Variants in LRRC56 observed in about 807,000 individuals in gnomAD.
LRRC56 encodes leucine-rich repeat-containing protein 56.
A neutral mutation model predicts 47.8 loss-of-function variants in LRRC56; 41 were observed. That is an observed-to-expected ratio of 0.86 (90% CI 0.67 to 1.11). LRRC56 has a LOEUF of 1.11. Ranked by LOEUF, LRRC56 falls within the 50% of genes most tolerant of loss-of-function variation. LRRC56 has a pLI of 0.00. For missense variants in LRRC56, 759 were observed against 704.2 expected, an observed-to-expected ratio of 1.08 and a Z score of -0.88; for synonymous variants, 387 against 311.2, an observed-to-expected ratio of 1.24 and a Z score of -2.56.
chr11:535,741 G>T (rs936900345), upstream of LRRC56, among the ~76,000 whole-genome samples: 1 of 152,222 alleles, frequency 6.6e-6, no homozygotes, highest in Admixed American at 6.5e-5. Flanking sequence ...CAGTAGGGCC[G>T]CGGCCTCTCG....
Position 541,685 on chromosome 11 carries a change from C to T in LRRC56, c.265+61C>T. Reference sequence around the variant, plus strand: ...CGGCCACGCCTCCCTGTAAACAACACACGTTTCCTGGTTATGACGACAAAG... The same window carrying T: ...CGGCCACGCCTCCCTGTAAACAACATACGTTTCCTGGTTATGACGACAAAG... On this transcript the variant is annotated intron_variant, in intron 5 of 13. Coordinates refer to ENST00000270115, the MANE Select transcript of LRRC56 (RefSeq NM_198075.4). The surrounding 1 kb of genome is among the most constrained non-coding windows in gnomAD (Gnocchi z 4.1). 3 of 1,057,498 alleles carry T rather than the reference C, an allele frequency of 2.8e-6. No individual in the cohort carries two copies. The highest frequency in any genetic ancestry group is 4.1e-6 in the Non-Finnish European group (3 of 726,182). The allele number at this position is 1,057,498 out of a possible 1,614,324, so 65.5% of individuals were successfully genotyped here.
At chr11:512,535 A>G in the LRRC56 span, among the ~76,000 whole-genome samples, 1 of 152,062 alleles carries the variant, frequency 6.6e-6, no homozygotes, top group Non-Finnish European at 1.5e-5. Context: ...CCTGGCAAGG[A>G]GGTAACTTGA....
Position 551,656 on chromosome 11 carries a change from C to T in LRRC56, c.802C>T (p.Pro268Ser). Residue 268 changes from proline (P) to serine (S), a missense_variant, in exon 10 of 14, where the codon CCC becomes TCC. By Grantham distance (74) the Pro-to-Ser change is moderately conservative. Transcript: ENST00000270115. ...KGNGLPPLDC[P>S]RGAPIRRLDP... ...TGCTTCTGAACCTCGGGCAGACTGT[C>T]CCCGTGGAGCCCCCATCCGGAGACT... is the stretch of plus-strand genomic sequence containing the variant. 1 of 1,567,990 alleles carries T rather than the reference C, an allele frequency of 6.4e-7. No homozygotes were observed. The highest frequency in any genetic ancestry group is 8.6e-7 in the Non-Finnish European group (1 of 1,158,670).
intron 6 of LRRC56, among the ~76,000 whole-genome samples, chr11:549,677 C>T (rs975556730): frequency 6.6e-6 from 1 of 152,242 alleles, no homozygotes; most frequent in Non-Finnish European, 1.5e-5. Flanking sequence ...GCTGAGCCAC[C>T]GGTCACGAGG....
intron 6 of LRRC56, 42 bp downstream of exon 6, chr11:544,822 G>C: frequency 1.9e-6 from 3 of 1,583,780 alleles, no homozygotes; most frequent in Non-Finnish European, 2.6e-6. Context: ...TGCCATGAGG[G>C]GGTCCGATGG....
At chr11:510,985 G>A in the LRRC56 span, among the ~76,000 whole-genome samples, 10 of 152,120 alleles carry the variant, frequency 6.6e-5, no homozygotes, top group South Asian at 2.1e-4. Context: ...TGCACATAGC[G>A]CAAGTGTCGC....
At position 545,532 on chromosome 11, in the gene LRRC56, A is replaced by G. The variant is rs1206944934; in HGVS notation, c.326+752A>G. 4.0e-5 allele frequency among the ~76,000 whole-genome samples: 6 copies of G among 150,316 alleles called. No individual in the cohort carries two copies. The South Asian group carries it at 8.4e-4, about 21-fold the overall frequency. On this transcript the variant is annotated intron_variant, in intron 6 of 13. Coordinates refer to ENST00000270115, the MANE Select transcript of LRRC56 (RefSeq NM_198075.4). ...AGACGGCAGCCCCCGGGAGAGGCACAGCAGAGCCTGTGTACAGAACCCGGA... is the reference window on the plus strand; with the variant it reads ...AGACGGCAGCCCCCGGGAGAGGCACGGCAGAGCCTGTGTACAGAACCCGGA...
chr11:549,380 G>A (rs970007170), intron 6 of LRRC56, among the ~76,000 whole-genome samples: 5 of 152,012 alleles, frequency 3.3e-5, no homozygotes, highest in Admixed American at 6.6e-5. Context: ...GGGTGGGCCC[G>A]GCAGGAAGCA....
In LRRC56 at chr11:541,012, G is replaced by C; in HGVS notation, c.177+151G>C. 1 of 685,886 alleles carries C rather than the reference G, an allele frequency of 1.5e-6. No individual in the cohort carries two copies. Among genetic ancestry groups the C allele is most frequent in the South Asian group, 2.0e-5 (1 of 49,358 alleles). 42.5% of individuals were successfully genotyped at this position (685,886 alleles called of 1,614,324 possible). A position where few individuals can be genotyped will look rare whatever the true frequency, so the allele number is the denominator to read the frequency against. On this transcript the variant is annotated intron_variant, in intron 4 of 13. Transcript: ENST00000270115. The surrounding 1 kb of genome is among the most constrained non-coding windows in gnomAD (Gnocchi z 4.1). Reference sequence around the variant, plus strand: ...GGCCTCAGCCCAGCCCCTGCAGCTGGGTCTGCTCCACCCACTCTGCCCTTG... The same window carrying C: ...GGCCTCAGCCCAGCCCCTGCAGCTGCGTCTGCTCCACCCACTCTGCCCTTG...
the LRRC56 span, among the ~76,000 whole-genome samples, chr11:530,407 G>A: frequency 6.6e-6 from 1 of 151,892 alleles, no homozygotes; most frequent in African/African-American, 2.4e-5. Flanking sequence ...GGAGGCTGCT[G>A]GGGAGAAGGG....
intron 6 of LRRC56, 124 bp from the exon 7 acceptor site, chr11:549,778 T>C: frequency 1.4e-6 from 1 of 732,104 alleles, no homozygotes; most frequent in African/African-American, 1.8e-5. Context: ...AGAGAGCCCC[T>C]TCCTCAGTCT....
rs775831709 is a variant in LRRC56, at chr11:540,723, G to A, written c.39G>A (p.Arg13=). 1 of 1,612,680 alleles carries A rather than the reference G, an allele frequency of 6.2e-7. No individual in the cohort carries two copies. The highest frequency in any genetic ancestry group is 8.5e-7 in the Non-Finnish European group (1 of 1,179,858). The change falls in exon 4 of 14, where the codon CGG becomes CGA. Residue 13 remains arginine, a synonymous_variant. Transcript: ENST00000270115. ...GGGACAGATCCCGTGGGCCTCGGCG[G>A]AGCACCTCCAGCGTCCGGGTGCGGG... is the stretch of plus-strand genomic sequence containing the variant. The part of the protein sequence containing the change: ...LGWDRSRGPR[R]STSSVRVREL...
At position 552,646 on chromosome 11, in the gene LRRC56, AGCAAGT is replaced by A; in HGVS notation, c.1263_1268del (p.Gln421_Val422del). ...TGGGGCCCACGGAGGGTCCCTGAAG[AGCAAGT>A]GCACCAGGCAGAGCCCAAGACTCCC... On this transcript the variant is annotated inframe_deletion, in exon 13 of 14. Transcript: ENST00000270115. 6.2e-7 allele frequency: 1 copy of A among 1,611,812 alleles called. No individual in the cohort carries two copies. Among genetic ancestry groups the A allele is most frequent in the Non-Finnish European group, 8.5e-7 (1 of 1,179,400 alleles).
In LRRC56 at chr11:551,518, C is replaced by T. The variant is rs113276594; in HGVS notation, c.797-133C>T. On this transcript the variant is annotated intron_variant, in intron 9 of 13. Coordinates refer to ENST00000270115, the MANE Select transcript of LRRC56 (RefSeq NM_198075.4). ...GGAAGGTCTGAAGATGAGGGCCTCT[C>T]TAGAAGGCTGCAGCGTGAGAGGCCA... is the stretch of plus-strand genomic sequence containing the variant. 3.7e-5 allele frequency: 37 copies of T among 1,006,714 alleles called. No individual in the cohort carries two copies. In the African/African-American group the frequency reaches 4.1e-4, roughly 11 times the overall value. 62.4% of individuals were successfully genotyped at this position (1,006,714 alleles called of 1,614,324 possible).
upstream of LRRC56, among the ~76,000 whole-genome samples, chr11:535,745 C>A (rs1179665101): frequency 6.6e-6 from 1 of 152,106 alleles, no homozygotes; most frequent in African/African-American, 2.4e-5. Context: ...AGGGCCGCGG[C>A]CTCTCGGGGT....
At chr11:519,295 T>C in the LRRC56 span, among the ~76,000 whole-genome samples, 1 of 136,826 alleles carries the variant, frequency 7.3e-6, no homozygotes, top group Non-Finnish European at 1.6e-5. Flanking sequence ...CAGGTGAGCT[T>C]TATTAGAACG....
chr11:528,521 G>A, the LRRC56 span: 7 of 152,210 alleles, frequency 4.6e-5, no homozygotes, highest in African/African-American at 1.7e-4. Flanking sequence ...GAGACAGAGG[G>A]ACACTGAACC....
chr11:553,934 G>A (rs751734909), intron 13 of LRRC56, 29 bp from the exon 14 acceptor site: 5 of 1,597,992 alleles, frequency 3.1e-6, no homozygotes, highest in East Asian at 4.5e-5. Context: ...CAGCCTTTCT[G>A]ACGTCCCATC....
the LRRC56 span, chr11:529,217 C>T: frequency 3.3e-5 from 5 of 152,526 alleles, no homozygotes; most frequent in African/African-American, 1.2e-4. Context: ...GCTCTCCAGC[C>T]CTGTCCTGTG....
Sources: gnomAD v4.1 joint callset for allele counts (sites outside exome capture counted in the v4.1 genomes callset) on GRCh38, gnomAD v4.1.1 for gene constraint, Gnocchi (gnomAD v3.1) non-coding constraint, MANE v1.5 for transcripts, NCBI Gene and HGNC (gene_info 2026-07-23, HGNC 2026-07-21) for gene names.